The following AUTS2 variants were observed in gnomAD, a reference collection of about 807,000 sequenced individuals.
AUTS2 encodes the protein autism susceptibility gene 2 protein.
In AUTS2, 17 loss-of-function variants were observed where a neutral mutation model predicts 112.4. The observed-to-expected ratio is 0.15, with a 90% CI of 0.10 to 0.23. The LOEUF (loss-of-function observed/expected upper bound fraction) is 0.23. AUTS2 is among the 10% of genes least tolerant of loss of function. The pLI, the probability that AUTS2 is intolerant of heterozygous loss-of-function variation, is 1.00. For synonymous variants in AUTS2, 751 were observed against 702.7 expected, an observed-to-expected ratio of 1.07 and a Z score of -1.09; for missense variants, 1,510 against 1,701.6, an observed-to-expected ratio of 0.89 and a Z score of 1.98.
At chr7:70,154,892 C>T (rs566141476) in intron 4 of AUTS2, among the ~76,000 whole-genome samples, 1 of 152,156 alleles carries the variant, frequency 6.6e-6, no homozygotes, top group East Asian at 1.9e-4. Context: ...TTGATACTTG[C>T]TTTCTTGGAT....
intron 4 of AUTS2, among the ~76,000 whole-genome samples, chr7:70,354,345 A>T (rs372458469): frequency 5.3e-5 from 8 of 152,352 alleles, no homozygotes; most frequent in East Asian, 1.9e-4. Context: ...CTTTCGTAAA[A>T]CATGTCTTGG....
intron 13 of AUTS2, among the ~76,000 whole-genome samples, chr7:70,776,523 G>A (rs1391559972): frequency 6.6e-6 from 1 of 152,098 alleles, no homozygotes; most frequent in African/African-American, 2.4e-5. Flanking sequence ...TAGGAACAGC[G>A]CCCACCAACA....
At chr7:70,414,572 G>T (rs1411688368) in intron 4 of AUTS2, among the ~76,000 whole-genome samples, 1 of 152,144 alleles carries the variant, frequency 6.6e-6, no homozygotes, top group East Asian at 1.9e-4. Context: ...GTGATGTCAG[G>T]AGAGACGTTT....
chr7:70,657,885 G>A (rs35987830), intron 5 of AUTS2, among the ~76,000 whole-genome samples: 2,390 of 152,260 alleles, frequency 0.016, 26 homozygotes, highest in Non-Finnish European at 0.028. Context: ...GCCCTTGGAG[G>A]ATTGCTTCCA....
At chr7:70,218,402 C>T (rs75289978) in intron 4 of AUTS2, among the ~76,000 whole-genome samples, 132 of 152,122 alleles carry the variant, frequency 8.7e-4, no homozygotes, top group Middle Eastern at 3.4e-3. Context: ...CCCTCTGATG[C>T]GGTAACAAGG....
chr7:69,810,456 C>G (rs1312287875), intron 1 of AUTS2, among the ~76,000 whole-genome samples: 1 of 151,080 alleles, frequency 6.6e-6, no homozygotes, highest in Non-Finnish European at 1.5e-5. Flanking sequence ...AAGCCCTTGG[C>G]ACACAGTAGT....
At chr7:70,690,008 T>C (rs1246665033) in intron 5 of AUTS2, among the ~76,000 whole-genome samples, 1 of 152,224 alleles carries the variant, frequency 6.6e-6, no homozygotes, top group Admixed American at 6.5e-5. Flanking sequence ...GTGTCATCTG[T>C]AATCATAATA....
In AUTS2 at chr7:70,731,461, G is replaced by A. The variant is rs1440719476; in HGVS notation, c.743-31409G>A. ...TTTTTTTTTTTTGAGACAGAGTCTC[G>A]CTCTGTTGCCCAGGCTGGAGTGCAG... On this transcript the variant is annotated intron_variant, in intron 6 of 18. Transcript: ENST00000342771. Among the ~76,000 whole-genome samples, 16 of 107,702 alleles carry A rather than the reference G, an allele frequency of 1.5e-4. No individual in the cohort carries two copies. The Admixed American group carries it at 1.8e-3, about 12-fold the overall frequency. The allele number at this position is 107,702 out of a possible 152,430, so 70.7% of individuals were successfully genotyped here.
chr7:70,762,928 T>G lies in AUTS2; in HGVS notation c.801T>G (p.Ile267Met). The change falls in exon 7 of 19, where the codon ATT becomes ATG. Residue 267 changes from isoleucine to methionine, a missense_variant. Physicochemically the swap from Ile to Met is conservative, Grantham distance 10. This residue lies in a region of AUTS2 where 535 missense variants were observed against 594.3 expected (regional missense o/e 0.90). Coordinates refer to ENST00000342771, the MANE Select transcript of AUTS2 (RefSeq NM_015570.4). ...PEHDSQDAGP[I>M]VPKISGLERS... is the part of the protein sequence containing the mutation. ...ATGACAGCCAGGATGCAGGGCCGAT[T>G]GTCCCCAAGATATCGGGTCTAGAGA... The G allele has an allele frequency of 6.2e-7, 1 of 1,614,102 alleles. No homozygotes were observed. Among genetic ancestry groups the G allele is most frequent in the Non-Finnish European group, 8.5e-7 (1 of 1,180,004 alleles).
intron 4 of AUTS2, among the ~76,000 whole-genome samples, chr7:70,348,377 C>A (rs1585043389): frequency 6.6e-6 from 1 of 152,078 alleles, no homozygotes; most frequent in Non-Finnish European, 1.5e-5. Flanking sequence ...AAAAGAAACC[C>A]CTGAAAAGAG....
At chr7:70,296,448 A>G (rs965341489) in intron 4 of AUTS2, among the ~76,000 whole-genome samples, 2 of 152,212 alleles carry the variant, frequency 1.3e-5, no homozygotes, top group African/African-American at 2.4e-5. Flanking sequence ...TACTCTTTTT[A>G]TGTATTTCCT....
chr7:69,624,718 A>G (rs376661849), intron 1 of AUTS2, among the ~76,000 whole-genome samples: 1 of 152,142 alleles, frequency 6.6e-6, no homozygotes, highest in East Asian at 1.9e-4. Flanking sequence ...AGTGATCGCC[A>G]CTATCAACTA....
intron 4 of AUTS2, among the ~76,000 whole-genome samples, chr7:70,411,053 T>C (rs1230660241): frequency 5.9e-5 from 9 of 151,930 alleles, no homozygotes; most frequent in African/African-American, 2.2e-4. Flanking sequence ...TTAGTAGAAA[T>C]GGGGTTTCAC....
At chr7:70,680,430 C>A (rs560465365) in intron 5 of AUTS2, among the ~76,000 whole-genome samples, 64 of 152,296 alleles carry the variant, frequency 4.2e-4, no homozygotes, top group African/African-American at 1.5e-3. Flanking sequence ...CATTCAGCAC[C>A]TCATCTTCCC....
chr7:70,419,852 G>T (rs1372163862), intron 4 of AUTS2, among the ~76,000 whole-genome samples: 1 of 152,038 alleles, frequency 6.6e-6, no homozygotes, highest in Non-Finnish European at 1.5e-5. Flanking sequence ...GCATTTCTTT[G>T]ATTACTAGTG....
At chr7:70,058,545 T>C (rs1184953253) in intron 2 of AUTS2, among the ~76,000 whole-genome samples, 1 of 152,148 alleles carries the variant, frequency 6.6e-6, no homozygotes, top group African/African-American at 2.4e-5. Flanking sequence ...TTAAAAACTT[T>C]TGAAGCAGAG....
At chr7:70,295,195 T>C (rs1788876287) in intron 4 of AUTS2, among the ~76,000 whole-genome samples, 1 of 152,218 alleles carries the variant, frequency 6.6e-6, no homozygotes, top group South Asian at 2.1e-4. Flanking sequence ...CTCCTTAAGA[T>C]GGGTCTTAAT....
At chr7:70,040,864 C>G (rs540929659) in intron 2 of AUTS2, among the ~76,000 whole-genome samples, 140 of 152,312 alleles carry the variant, frequency 9.2e-4, no homozygotes, top group African/African-American at 3.2e-3. Flanking sequence ...ATGTCTGTGT[C>G]TGGAAGTGGA....
At chr7:70,229,784 A>G (rs539646615) in intron 4 of AUTS2, among the ~76,000 whole-genome samples, 2 of 152,146 alleles carry the variant, frequency 1.3e-5, no homozygotes, top group Admixed American at 1.3e-4. Context: ...CAGATTTACA[A>G]CCTGGATCAA....
Sources: gnomAD v4.1 joint callset for allele counts (sites outside exome capture counted in the v4.1 genomes callset) on GRCh38, gnomAD v4.1.1 for gene constraint, gnomAD v4.1.1 regional missense constraint, MANE v1.5 for transcripts, NCBI Gene and HGNC (gene_info 2026-07-23, HGNC 2026-07-21) for gene names.